Variants in RAVER2 observed in about 807,000 individuals in gnomAD.
The protein encoded by RAVER2 is ribonucleoprotein PTB-binding 2.
RAVER2 carries 46 observed loss-of-function variants against 78.1 expected under a neutral mutation model. The ratio of observed to expected loss-of-function variants is 0.59; its 90% CI spans 0.46 to 0.75. The LOEUF is 0.75. RAVER2 is among the 30% of genes least tolerant of loss of function. The pLI is 0.00. For missense variants in RAVER2, 793 were observed against 837.5 expected (o/e 0.95, Z 0.66); for synonymous variants, 311 against 313.3 (o/e 0.99, Z 0.08).
At chr1:64,819,582 G>A (rs965459820) in intron 11 of RAVER2, among the ~76,000 whole-genome samples, 3 of 152,156 alleles carry the variant, frequency 2.0e-5, no homozygotes, top group Admixed American at 6.6e-5. Context: ...AAAAATAATG[G>A]TCAAACATTT....
chr1:64,750,281 T>A (rs1479816607), intron 1 of RAVER2, among the ~76,000 whole-genome samples: 1 of 151,738 alleles, frequency 6.6e-6, no homozygotes, highest in Non-Finnish European at 1.5e-5. Flanking sequence ...AATTTTTTTC[T>A]GCTCTTTCTC....
exon 5 of RAVER2, chr1:64,789,429 A>T: frequency 1.2e-6 from 2 of 1,610,090 alleles, no homozygotes; most frequent in Non-Finnish European, 1.7e-6. Flanking sequence ...AGCCAAATCC[A>T]GTACAAATTA....
At chr1:64,814,563 G>A (rs1180956992) in intron 10 of RAVER2, 141 bp from the exon 11 acceptor site, 3 of 444,226 alleles carry the variant, frequency 6.8e-6, no homozygotes, top group Non-Finnish European at 9.4e-6. Context: ...ATTTGATAAT[G>A]TGCTGAGTTA....
At chr1:64,803,541 A>G (rs1653328776) in intron 6 of RAVER2, among the ~76,000 whole-genome samples, 1 of 152,154 alleles carries the variant, frequency 6.6e-6, no homozygotes, top group Non-Finnish European at 1.5e-5. Flanking sequence ...TGTCTGTAAT[A>G]TTAGAGATAA....
chr1:64,774,315 T>TA (rs1372349921), intron 2 of RAVER2, among the ~76,000 whole-genome samples: 6 of 152,158 alleles, frequency 3.9e-5, no homozygotes, highest in African/African-American at 1.4e-4. Context: ...TTTTAGGTCT[T>TA]ACGTTTAAGT....
chr1:64,781,481 C>A, exon 4 of RAVER2: 1 of 1,614,086 alleles, frequency 6.2e-7, no homozygotes. Flanking sequence ...ACGGTATGAC[C>A]ATCAAGGGCA....
chr1:64,805,268 G>A (rs1653386070), intron 8 of RAVER2, among the ~76,000 whole-genome samples, 163 bp downstream of exon 8: 1 of 152,082 alleles, frequency 6.6e-6, no homozygotes, highest in Non-Finnish European at 1.5e-5. Flanking sequence ...TTCAATATTG[G>A]TAAGTTACTG....
At chr1:64,771,902 C>A (rs757909578) in intron 2 of RAVER2, among the ~76,000 whole-genome samples, 18 of 151,956 alleles carry the variant, frequency 1.2e-4, no homozygotes, top group Non-Finnish European at 2.2e-4. Context: ...TTAACTATAA[C>A]CTTGCAACCA....
At chr1:64,759,267 T>C (rs1307764818) in intron 1 of RAVER2, among the ~76,000 whole-genome samples, 1 of 152,092 alleles carries the variant, frequency 6.6e-6, no homozygotes, top group Non-Finnish European at 1.5e-5. Flanking sequence ...TTGCCCAGGC[T>C]GGAGTGCAGT....
chr1:64,784,629 G>C (rs1652729702), intron 4 of RAVER2, among the ~76,000 whole-genome samples: 1 of 152,086 alleles, frequency 6.6e-6, no homozygotes, highest in East Asian at 1.9e-4. Flanking sequence ...GGGATTCTTA[G>C]ACATTCCCAC....
At chr1:64,760,738 C>A (rs1651997168) in intron 1 of RAVER2, among the ~76,000 whole-genome samples, 1 of 152,064 alleles carries the variant, frequency 6.6e-6, no homozygotes, top group South Asian at 2.1e-4. Flanking sequence ...ATTGTTTTTG[C>A]TTTTACCTCC....
At chr1:64,801,036 A>T (rs989428318) in intron 5 of RAVER2, among the ~76,000 whole-genome samples, 5 of 150,690 alleles carry the variant, frequency 3.3e-5, no homozygotes, top group African/African-American at 1.2e-4. Context: ...TTACAAGAAG[A>T]TGTTGCCAGA....
At chr1:64,790,954 G>A (rs573014226) in intron 5 of RAVER2, among the ~76,000 whole-genome samples, 5 of 152,100 alleles carry the variant, frequency 3.3e-5, no homozygotes, top group African/African-American at 4.8e-5. Context: ...ACACAAGTTC[G>A]GGGGATTCTC....
At chr1:64,829,036 TGC>T (rs1654063741) in intron 11 of RAVER2, among the ~76,000 whole-genome samples, 1 of 152,258 alleles carries the variant, frequency 6.6e-6, no homozygotes, top group Admixed American at 6.5e-5. Flanking sequence ...TTTCCTGTGC[TGC>T]TCAGTGAAGT....
Position 64,745,408 on chromosome 1 carries a change from A to C in RAVER2, c.236A>C (p.Asp79Ala), listed in dbSNP as rs938715666. 1.3e-6 allele frequency: 2 copies of C among 1,534,274 alleles called. No homozygotes were observed. The highest frequency in any genetic ancestry group is 1.8e-6 in the Non-Finnish European group (2 of 1,137,468). ...ATCCTGGTGAAAAACCTGCCCCAGG[A>C]CAGCAACTGCCAGGTACTGGGACGG... The change falls in exon 1 of 12, where the codon GAC becomes GCC. Residue 79 changes from aspartate (D) to alanine (A), a missense_variant. Coordinates refer to ENST00000294428, the Ensembl canonical transcript of RAVER2. This position sits in a 1 kb window ranked among gnomAD's most constrained non-coding sequence, Gnocchi z 4.3.
At chr1:64,763,956 C>CACACA in intron 1 of RAVER2, among the ~76,000 whole-genome samples, 1 of 105,334 alleles carries the variant, frequency 9.5e-6, no homozygotes, top group East Asian at 3.9e-4. Flanking sequence ...ACACACACAC[C>CACACA]CCTACCATGT....
Position 64,830,937 on chromosome 1 carries a change from AG to A in RAVER2, c.2030del (p.Gly677GlufsTer9). On this transcript the variant is annotated frameshift_variant, in exon 12 of 12. Coordinates refer to ENST00000294428, the Ensembl canonical transcript of RAVER2. LOFTEE classifies it high-confidence loss of function. ...GTGTTGACCAGCATTCTCAGGGCACAGGAGCATATTACATGGAAACTTACTT... is the reference window on the plus strand; with the variant it reads ...GTGTTGACCAGCATTCTCAGGGCACAGAGCATATTACATGGAAACTTACTT... The A allele has an allele frequency of 6.2e-7, 1 of 1,613,932 alleles. No individual in the cohort carries two copies. Among genetic ancestry groups the A allele is most frequent in the South Asian group, 1.1e-5 (1 of 91,070 alleles).
rs753375050 is a variant in RAVER2, at chr1:64,755,724, GTTTTTTTTTTTTTT to G, written c.249+10319_249+10332del. Among the ~76,000 whole-genome samples the G allele has an allele frequency of 1.2e-3, 72 of 60,660 alleles. 2 individuals carry two copies. The South Asian group carries it at 0.029, about 25-fold the overall frequency. The allele number at this position is 60,660 out of a possible 152,430, so 39.8% of individuals were successfully genotyped here. ...CATTTCTCTGACTTTATGCTTCATA[GTTTTTTTTTTTTTT>G]TTTTTTTTTTTTTTTGTAGCCAGAA... On this transcript the variant is annotated intron_variant, in intron 1 of 11. Coordinates refer to ENST00000294428, the Ensembl canonical transcript of RAVER2.
At chr1:64,748,938 A>G (rs761234026) in intron 1 of RAVER2, among the ~76,000 whole-genome samples, 1 of 152,110 alleles carries the variant, frequency 6.6e-6, no homozygotes, top group Non-Finnish European at 1.5e-5. Context: ...TCCAGGCTGA[A>G]GCGATTCTCT....
Sources: allele counts gnomAD v4.1 joint callset (sites outside exome capture counted in the v4.1 genomes callset), GRCh38; gene constraint gnomAD v4.1.1; non-coding constraint Gnocchi (gnomAD v3.1); transcripts MANE v1.5; gene names NCBI Gene and HGNC (gene_info 2026-07-23, HGNC 2026-07-21).